The following AMOTL1 variants were observed in gnomAD, a reference collection of about 807,000 sequenced individuals.
AMOTL1 encodes angiomotin like 1, also known as angiomotin-like protein 1.
In AMOTL1, 45 loss-of-function variants were observed where a neutral mutation model predicts 102.9. The ratio of observed to expected loss-of-function variants is 0.44; its 90% CI spans 0.34 to 0.56. The LOEUF (loss-of-function observed/expected upper bound fraction) is 0.56, where lower values mean the gene tolerates loss of function less well. Ranked by LOEUF, AMOTL1 falls within the 20% of genes least tolerant of loss-of-function variation. AMOTL1 has a pLI of 0.01. For synonymous variants in AMOTL1, 481 were observed against 484.7 expected (o/e 0.99, Z 0.10); for missense variants, 1,114 against 1,225.6 (o/e 0.91, Z 1.36).
intron 1 of AMOTL1, among the ~76,000 whole-genome samples, chr11:94,723,945 T>C (rs1214026735): frequency 6.6e-6 from 1 of 152,122 alleles, no homozygotes; most frequent in Non-Finnish European, 1.5e-5. Flanking sequence ...CGGAAACTCG[T>C]CAGAACCAAA....
chr11:94,829,834 C>G (rs1411894804), intron 4 of AMOTL1, among the ~76,000 whole-genome samples: 1 of 152,208 alleles, frequency 6.6e-6, no homozygotes, highest in Non-Finnish European at 1.5e-5. Context: ...TTCGGCCAGA[C>G]TTGTGAGCCT....
At chr11:94,855,678 T>C (rs1952648421) in intron 8 of AMOTL1, among the ~76,000 whole-genome samples, 2 of 152,330 alleles carry the variant, frequency 1.3e-5, no homozygotes, top group South Asian at 2.1e-4. Context: ...GAAACCAGAC[T>C]CACCTCCGTT....
chr11:94,800,972 C>T (rs1951467299), intron 3 of AMOTL1, among the ~76,000 whole-genome samples: 2 of 152,280 alleles, frequency 1.3e-5, no homozygotes, highest in South Asian at 2.1e-4. Flanking sequence ...TACTCTGAAG[C>T]CCTGTTCCTG....
At chr11:94,837,704 C>A (rs1952213015) in intron 6 of AMOTL1, among the ~76,000 whole-genome samples, 1 of 152,170 alleles carries the variant, frequency 6.6e-6, no homozygotes, top group Admixed American at 6.5e-5. Flanking sequence ...ATTTGCCATG[C>A]TTAAAGAATG....
intron 1 of AMOTL1, among the ~76,000 whole-genome samples, chr11:94,773,585 A>T (rs1050170170): frequency 3.3e-5 from 5 of 152,186 alleles, no homozygotes; most frequent in African/African-American, 1.2e-4. Flanking sequence ...GAGAGGGCTC[A>T]CTTTGGTCCA....
At chr11:94,815,736 A>G (rs185265901) in intron 3 of AMOTL1, among the ~76,000 whole-genome samples, 10 of 152,232 alleles carry the variant, frequency 6.6e-5, no homozygotes, top group Admixed American at 3.3e-4. Flanking sequence ...AAAGAAAATT[A>G]TAAATATAAA....
At chr11:94,792,779 G>A (rs949579944) in intron 1 of AMOTL1, among the ~76,000 whole-genome samples, 2 of 152,168 alleles carry the variant, frequency 1.3e-5, no homozygotes, top group African/African-American at 4.8e-5. Flanking sequence ...TGTGTGAAAT[G>A]CTTTAGTTCT....
chr11:94,863,259 TTC>T (rs1952808782), intron 9 of AMOTL1, among the ~76,000 whole-genome samples: 1 of 151,558 alleles, frequency 6.6e-6, no homozygotes, highest in African/African-American at 2.4e-5. Context: ...GCCTCTATTT[TTC>T]TGTTTTGGGC....
intron 1 of AMOTL1, among the ~76,000 whole-genome samples, chr11:94,773,715 G>A (rs1360221862): frequency 2.0e-5 from 3 of 152,218 alleles, no homozygotes; most frequent in Admixed American, 6.5e-5. Flanking sequence ...GTGTTACTCT[G>A]ATTCTTGAGC....
At chr11:94,747,440 A>G (rs140556464) in intron 3 of AMOTL1, among the ~76,000 whole-genome samples, 1 of 152,218 alleles carries the variant, frequency 6.6e-6, no homozygotes, top group Non-Finnish European at 1.5e-5. Flanking sequence ...GCAAGGAGAA[A>G]GTGTTTTCTT....
chr11:94,820,426 A>G (rs910684625), intron 3 of AMOTL1: 1 of 152,364 alleles, frequency 6.6e-6, no homozygotes, highest in African/African-American at 2.4e-5. Flanking sequence ...CCCTAGTCTT[A>G]TCTTGCACTG....
At chr11:94,836,380 A>G (rs1232984335) in intron 6 of AMOTL1, among the ~76,000 whole-genome samples, 1 of 152,158 alleles carries the variant, frequency 6.6e-6, no homozygotes, top group Non-Finnish European at 1.5e-5. Context: ...AGCTCCTGTT[A>G]CAGCATTTAT....
chr11:94,769,196 G>A (rs922446131), intron 1 of AMOTL1, among the ~76,000 whole-genome samples: 3 of 152,262 alleles, frequency 2.0e-5, no homozygotes, highest in African/African-American at 7.2e-5. Context: ...TTGCCTGTTA[G>A]GGCTGCCTTT....
At chr11:94,793,587 G>T (rs530464718) in intron 1 of AMOTL1, among the ~76,000 whole-genome samples, 6 of 152,226 alleles carry the variant, frequency 3.9e-5, no homozygotes, top group Non-Finnish European at 7.3e-5. Context: ...GAGGAAGCCA[G>T]ATTAGGACTT....
chr11:94,825,629 T>A (rs1205495328), intron 4 of AMOTL1, among the ~76,000 whole-genome samples: 1 of 152,178 alleles, frequency 6.6e-6, no homozygotes, highest in African/African-American at 2.4e-5. Context: ...ATTCCCCTCC[T>A]GCACTGTACT....
chr11:94,838,508 A>G (rs1565375109), intron 6 of AMOTL1, among the ~76,000 whole-genome samples: 1 of 152,204 alleles, frequency 6.6e-6, no homozygotes, highest in Non-Finnish European at 1.5e-5. Flanking sequence ...ATCCATAAAC[A>G]AATGGGTGTA....
intron 8 of AMOTL1, 59 bp from the exon 9 acceptor site, chr11:94,859,466 G>A: frequency 6.6e-7 from 1 of 1,507,398 alleles, no homozygotes. Context: ...TGTATGGGCA[G>A]TTGTGTAGAC....
intron 2 of AMOTL1, among the ~76,000 whole-genome samples, chr11:94,738,781 T>G (rs10400377): frequency 0.031 from 4,730 of 152,190 alleles, 251 homozygotes; most frequent in African/African-American, 0.11. Context: ...GAAAAGGTCA[T>G]GGATAAGTAA....
At chr11:94,785,510 A>G (rs1951172411) in intron 1 of AMOTL1, among the ~76,000 whole-genome samples, 2 of 152,194 alleles carry the variant, frequency 1.3e-5, no homozygotes, top group Admixed American at 1.3e-4. Flanking sequence ...TATACTCTTT[A>G]TTACTTAAGG....
Sources: gnomAD v4.1 joint callset for allele counts (sites outside exome capture counted in the v4.1 genomes callset) on GRCh38, gnomAD v4.1.1 for gene constraint, MANE v1.5 for transcripts, NCBI Gene and HGNC (gene_info 2026-07-23, HGNC 2026-07-21) for gene names.